The following NBEA variants were observed in gnomAD, a reference collection of about 807,000 sequenced individuals.
NBEA encodes neurobeachin, also known as lysosomal-trafficking regulator 2.
In NBEA, 44 loss-of-function variants were observed where a neutral mutation model predicts 343.4. The observed-to-expected ratio is 0.13, with a 90% CI of 0.10 to 0.16. The LOEUF is 0.16. Ranked by LOEUF, NBEA falls within the 10% of genes least tolerant of loss-of-function variation. The probability of loss-of-function intolerance (pLI) is 1.00; values close to 1 mark genes in which losing one functional copy is unlikely to be tolerated. For synonymous variants in NBEA, 1,175 were observed against 1,238.7 expected (o/e 0.95, Z 1.08); for missense variants, 2,555 against 3,631.3 (o/e 0.70, Z 7.62).
At chr13:35,405,994 A>T (rs1210369921) in intron 38 of NBEA, among the ~76,000 whole-genome samples, 1 of 152,136 alleles carries the variant, frequency 6.6e-6, no homozygotes, top group Non-Finnish European at 1.5e-5. Flanking sequence ...TAAGAGCTCT[A>T]AAAAGGTTTG....
At chr13:35,038,184 C>T (rs2062520272) in intron 1 of NBEA, among the ~76,000 whole-genome samples, 1 of 152,120 alleles carries the variant, frequency 6.6e-6, no homozygotes, top group Non-Finnish European at 1.5e-5. Context: ...CAGAGTACCA[C>T]CGACATTCCC....
At chr13:35,154,673 G>C (rs537758699) in intron 18 of NBEA, among the ~76,000 whole-genome samples, 2 of 152,174 alleles carry the variant, frequency 1.3e-5, no homozygotes, top group South Asian at 4.2e-4. Context: ...TCAAAATCCT[G>C]CTCCCACATT....
At chr13:35,000,198 A>G (rs988687505) in intron 1 of NBEA, among the ~76,000 whole-genome samples, 2 of 152,250 alleles carry the variant, frequency 1.3e-5, no homozygotes, top group Middle Eastern at 6.8e-3. Context: ...AAGAATTATT[A>G]ATGGATATAC....
intron 13 of NBEA, among the ~76,000 whole-genome samples, chr13:35,112,763 A>C (rs1331735100): frequency 6.6e-6 from 1 of 152,166 alleles, no homozygotes; most frequent in Admixed American, 6.5e-5. Flanking sequence ...TTATGTATAT[A>C]TAAACACACC....
intron 1 of NBEA, among the ~76,000 whole-genome samples, chr13:34,954,086 C>T (rs2059423329): frequency 2.6e-5 from 4 of 152,108 alleles, no homozygotes; most frequent in Admixed American, 2.6e-4. Flanking sequence ...GGGATCGCTG[C>T]CCTAAAGAAT....
chr13:35,170,308 A>G (rs986168804), intron 25 of NBEA, among the ~76,000 whole-genome samples: 2 of 151,792 alleles, frequency 1.3e-5, no homozygotes, highest in Non-Finnish European at 3.0e-5. Flanking sequence ...AGTTGAATTT[A>G]TCATTTGGTT....
intron 38 of NBEA, among the ~76,000 whole-genome samples, chr13:35,353,682 TGGA>T (rs1396302974): frequency 6.6e-6 from 1 of 152,182 alleles, no homozygotes. Context: ...GAACTTTACA[TGGA>T]TTATTTCCTT....
intron 39 of NBEA, among the ~76,000 whole-genome samples, chr13:35,448,970 A>G (rs1430090729): frequency 6.6e-6 from 1 of 152,206 alleles, no homozygotes; most frequent in Admixed American, 6.5e-5. Context: ...TTTAAGGGCA[A>G]GTAGCAATTA....
chr13:35,273,714 C>A (rs1467910667), intron 34 of NBEA, among the ~76,000 whole-genome samples: 1 of 152,024 alleles, frequency 6.6e-6, no homozygotes, highest in Non-Finnish European at 1.5e-5. Context: ...TACAAACTAC[C>A]ATCAGAGACT....
At chr13:35,095,402 ATTC>A (rs567070136) in intron 10 of NBEA, among the ~76,000 whole-genome samples, 56 of 151,440 alleles carry the variant, frequency 3.7e-4, no homozygotes, top group Non-Finnish European at 6.8e-4. Flanking sequence ...CTGTTGTGGT[ATTC>A]TTTATCAATA....
intron 49 of NBEA, 71 bp from the exon 50 acceptor site, chr13:35,645,798 C>A: frequency 1.1e-6 from 1 of 900,746 alleles, no homozygotes. Context: ...TAATTGGAAC[C>A]TATAACTTTC....
At chr13:35,472,752 GTCTT>G (rs1315319550) in intron 41 of NBEA, among the ~76,000 whole-genome samples, 1 of 152,180 alleles carries the variant, frequency 6.6e-6, no homozygotes, top group Non-Finnish European at 1.5e-5. Flanking sequence ...CATTTTAACA[GTCTT>G]TCTATGAGTG....
chr13:35,450,463 G>T (rs1049012907), intron 39 of NBEA, among the ~76,000 whole-genome samples: 12 of 152,126 alleles, frequency 7.9e-5, no homozygotes, highest in Admixed American at 6.5e-4. Context: ...CTCCAGCCTG[G>T]GTGACAGAAT....
At chr13:35,576,693 A>G (rs1566350218) in intron 45 of NBEA, among the ~76,000 whole-genome samples, 1 of 152,168 alleles carries the variant, frequency 6.6e-6, no homozygotes, top group Non-Finnish European at 1.5e-5. Flanking sequence ...TTCTTCAAAA[A>G]ATAAATTATA....
intron 38 of NBEA, among the ~76,000 whole-genome samples, chr13:35,409,307 CAT>C (rs1427261876): frequency 6.6e-6 from 1 of 151,984 alleles, no homozygotes; most frequent in Non-Finnish European, 1.5e-5. Flanking sequence ...ACACATGACA[CAT>C]AGAGGGAAAT....
intron 34 of NBEA, among the ~76,000 whole-genome samples, chr13:35,233,276 G>T (rs1014246389): frequency 4.6e-5 from 7 of 152,118 alleles, no homozygotes; most frequent in Non-Finnish European, 7.4e-5. Context: ...TTTAGATGCT[G>T]TTTCAGGTAG....
chr13:35,249,201 G>A (rs2031647123), intron 34 of NBEA, among the ~76,000 whole-genome samples: 2 of 148,418 alleles, frequency 1.3e-5, no homozygotes, highest in South Asian at 4.3e-4. Flanking sequence ...CATTGGATTT[G>A]GATTTGGCAA....
chr13:35,319,982 T>C (rs1001173172), intron 36 of NBEA, among the ~76,000 whole-genome samples: 3 of 152,184 alleles, frequency 2.0e-5, no homozygotes, highest in African/African-American at 7.2e-5. Context: ...TGAGTCTATA[T>C]GTGACTTTGC....
chr13:35,255,902 G>T (rs547360259), intron 34 of NBEA, among the ~76,000 whole-genome samples: 31 of 152,388 alleles, frequency 2.0e-4, no homozygotes, highest in African/African-American at 7.5e-4. Flanking sequence ...GGTGAGCAAG[G>T]TGGAGAGGAG....
Sources: gnomAD v4.1 joint callset for allele counts (sites outside exome capture counted in the v4.1 genomes callset) on GRCh38, gnomAD v4.1.1 for gene constraint, MANE v1.5 for transcripts, NCBI Gene and HGNC (gene_info 2026-07-23, HGNC 2026-07-21) for gene names.